The following SLC35F3 variants were observed in gnomAD, a reference collection of about 807,000 sequenced individuals.
SLC35F3 encodes the protein solute carrier family 35 member F3.
A neutral mutation model predicts 49.9 loss-of-function variants in SLC35F3; 25 were observed. The ratio of observed to expected loss-of-function variants is 0.50; its 90% confidence interval spans 0.37 to 0.70. SLC35F3 has a LOEUF of 0.70. Among genes scored for constraint, SLC35F3 ranks in the 30% least tolerant of loss-of-function variants. SLC35F3 has a pLI of 0.00. For missense variants in SLC35F3, 525 were observed against 639.8 expected (o/e 0.82, Z 1.94); for synonymous variants, 275 against 265.4 (o/e 1.04, Z -0.35).
intron 2 of SLC35F3, among the ~76,000 whole-genome samples, chr1:234,210,129 T>C (rs1187235009): frequency 3.9e-5 from 6 of 152,184 alleles, no homozygotes; most frequent in African/African-American, 1.4e-4. Context: ...AGAGTTTCCC[T>C]GCACAAGCTC....
In SLC35F3 at chr1:234,320,045, TA is replaced by T; in HGVS notation, c.1148-50del. The T allele has an allele frequency of 7.7e-7, 1 of 1,298,066 alleles. No homozygotes were observed. The highest frequency in any genetic ancestry group is 1.1e-6 in the Non-Finnish European group (1 of 892,710). The allele number at this position is 1,298,066 out of a possible 1,614,324, so 80.4% of individuals were successfully genotyped here. On this transcript the variant is annotated intron_variant, in intron 6 of 7. Coordinates refer to ENST00000366618, the MANE Select transcript of SLC35F3 (RefSeq NM_173508.4). This position sits in a 1 kb window ranked among gnomAD's most constrained non-coding sequence, Gnocchi z 4.8. The stretch of plus-strand genomic sequence containing the variant: ...TGGGTCAGATAGGCCAGCAGGGAGG[TA>T]AAGTACACAGCAGTCATGAATAACA...
At chr1:234,005,634 G>A (rs1403584594) in intron 2 of SLC35F3, among the ~76,000 whole-genome samples, 1 of 152,214 alleles carries the variant, frequency 6.6e-6, no homozygotes, top group African/African-American at 2.4e-5. Context: ...ACAAACATTT[G>A]TCTCTATGCA....
intron 2 of SLC35F3, among the ~76,000 whole-genome samples, chr1:234,108,243 TA>T (rs1238044075): frequency 2.0e-5 from 2 of 97,840 alleles, no homozygotes; most frequent in Admixed American, 1.2e-4. Flanking sequence ...TTTATATATA[TA>T]AAAGATATAT....
At chr1:233,995,781 G>C (rs1663449567) in intron 2 of SLC35F3, among the ~76,000 whole-genome samples, 1 of 152,154 alleles carries the variant, frequency 6.6e-6, no homozygotes, top group African/African-American at 2.4e-5. Context: ...CAGTGAGCCT[G>C]TGGACTACAT....
At position 234,130,238 on chromosome 1, in the gene SLC35F3, A is replaced by G. The variant is rs1464223985; in HGVS notation, c.284-101179A>G. ...GGTATTTTACAAAATAAGTTATCCAAATGGCCAATAAGCATATGAAAATTT... is the reference window on the plus strand; with the variant it reads ...GGTATTTTACAAAATAAGTTATCCAGATGGCCAATAAGCATATGAAAATTT... On this transcript the variant is annotated intron_variant, in intron 2 of 7. Transcript: ENST00000366618. Among the ~76,000 whole-genome samples the G allele has an allele frequency of 7.2e-5, 11 of 152,342 alleles. No individual in the cohort carries two copies. The East Asian group carries it at 2.1e-3, about 29-fold the overall frequency.
intron 2 of SLC35F3, among the ~76,000 whole-genome samples, chr1:234,089,738 C>T (rs568153104): frequency 2.6e-5 from 4 of 152,112 alleles, no homozygotes; most frequent in African/African-American, 7.2e-5. Flanking sequence ...AGAGGCAGTT[C>T]GCCACTGGAG....
At chr1:234,085,314 T>C (rs985308689) in intron 2 of SLC35F3, among the ~76,000 whole-genome samples, 1 of 152,212 alleles carries the variant, frequency 6.6e-6, no homozygotes, top group Admixed American at 6.5e-5. Flanking sequence ...AAGGCAGCTA[T>C]GGATATTTCC....
Position 234,218,747 on chromosome 1 carries a change from C to A in SLC35F3, c.284-12670C>A, listed in dbSNP as rs1407539531. On this transcript the variant is annotated intron_variant, in intron 2 of 7. Transcript: ENST00000366618. ...GAGAGAGAATTATATCAGCTCATGGCACTTTGTAGATGCTCAGTAAATGCT... is the reference window on the plus strand; with the variant it reads ...GAGAGAGAATTATATCAGCTCATGGAACTTTGTAGATGCTCAGTAAATGCT... Among the ~76,000 whole-genome samples the A allele has an allele frequency of 6.6e-5, 10 of 152,252 alleles. No homozygotes were observed. In the East Asian group the frequency reaches 1.9e-3, roughly 29 times the overall value.
intron 2 of SLC35F3, among the ~76,000 whole-genome samples, chr1:234,038,463 C>T (rs968502685): frequency 1.3e-5 from 2 of 151,484 alleles, no homozygotes; most frequent in Non-Finnish European, 2.9e-5. Flanking sequence ...ATTTATAGTC[C>T]TTTGGGTATA....
At chr1:234,309,699 C>T (rs1200851857) in intron 4 of SLC35F3, among the ~76,000 whole-genome samples, 1 of 152,208 alleles carries the variant, frequency 6.6e-6, no homozygotes, top group Non-Finnish European at 1.5e-5. Flanking sequence ...TGCCCTGCAG[C>T]CTGGAGCTTT....
intron 2 of SLC35F3, among the ~76,000 whole-genome samples, chr1:234,183,065 A>T (rs988509309): frequency 7.0e-6 from 1 of 143,014 alleles, no homozygotes; most frequent in African/African-American, 2.4e-5. Flanking sequence ...CACCCAGGCT[A>T]GAGTGCAGTG....
At chr1:233,971,754 C>T (rs1662997192) in intron 2 of SLC35F3, among the ~76,000 whole-genome samples, 1 of 151,632 alleles carries the variant, frequency 6.6e-6, no homozygotes, top group African/African-American at 2.4e-5. Flanking sequence ...GCCTCCTCTG[C>T]TGACTCCCTT....
chr1:234,294,366 T>C (rs778183689), intron 3 of SLC35F3, among the ~76,000 whole-genome samples: 1 of 152,176 alleles, frequency 6.6e-6, no homozygotes, highest in African/African-American at 2.4e-5. Flanking sequence ...ACTCTCTTTC[T>C]GGTAAAGATT....
At chr1:234,223,405 T>C (rs144036420) in intron 2 of SLC35F3, among the ~76,000 whole-genome samples, 10 of 152,244 alleles carry the variant, frequency 6.6e-5, no homozygotes, top group African/African-American at 1.9e-4. Flanking sequence ...AAAAGGCAAC[T>C]TTTGTTCACC....
intron 2 of SLC35F3, among the ~76,000 whole-genome samples, chr1:233,984,540 G>A (rs1663236863): frequency 6.6e-6 from 1 of 152,224 alleles, no homozygotes; most frequent in Non-Finnish European, 1.5e-5. Flanking sequence ...GCCTGAAAGA[G>A]CGGAATGACT....
intron 3 of SLC35F3, among the ~76,000 whole-genome samples, chr1:234,279,655 G>A (rs762671169): frequency 3.3e-5 from 5 of 152,198 alleles, no homozygotes; most frequent in Non-Finnish European, 5.9e-5. Flanking sequence ...CAGCACCCAA[G>A]TGAACATGGG....
intron 2 of SLC35F3, among the ~76,000 whole-genome samples, chr1:234,101,015 T>G (rs545016914): frequency 1.3e-5 from 2 of 152,176 alleles, no homozygotes; most frequent in African/African-American, 4.8e-5. Context: ...CTTTTTCCAG[T>G]CCCTGGAACA....
intron 6 of SLC35F3, among the ~76,000 whole-genome samples, chr1:234,319,474 G>A (rs1487803837): frequency 1.3e-5 from 2 of 152,144 alleles, no homozygotes; most frequent in Non-Finnish European, 2.9e-5. Context: ...AGGCCAAGAT[G>A]GGAGGATCGC....
intron 2 of SLC35F3, among the ~76,000 whole-genome samples, chr1:233,920,473 A>C (rs1467588237): frequency 6.6e-6 from 1 of 152,196 alleles, no homozygotes; most frequent in Non-Finnish European, 1.5e-5. Context: ...AGTTGTCTGA[A>C]ATGAATGGAA....
Sources: gnomAD v4.1 joint callset for allele counts (sites outside exome capture counted in the v4.1 genomes callset) on GRCh38, gnomAD v4.1.1 for gene constraint, Gnocchi (gnomAD v3.1) non-coding constraint, MANE v1.5 for transcripts, NCBI Gene and HGNC (gene_info 2026-07-23, HGNC 2026-07-21) for gene names.